The following PHF8 variants were observed in gnomAD, a reference collection of about 807,000 sequenced individuals.
PHF8 encodes PHD finger protein 8.
PHF8 carries 9 observed loss-of-function variants against 74.4 expected under a neutral mutation model. The ratio of observed to expected loss-of-function variants is 0.12; its 90% CI spans 0.07 to 0.21. The LOEUF is 0.21. Among genes scored for constraint, PHF8 ranks in the 10% least tolerant of loss-of-function variants. The probability of loss-of-function intolerance (pLI) is 1.00; values close to 1 mark genes in which losing one functional copy is unlikely to be tolerated. For synonymous variants in PHF8, 311 were observed against 316.6 expected (o/e 0.98, Z 0.19); for missense variants, 478 against 816.6 (o/e 0.59, Z 5.05).
rs782500392 is a variant in PHF8 at position 53,939,251 on chromosome X, G to T, written c.2987-5C>A. 3 of 1,203,343 alleles carry T rather than the reference G, an allele frequency of 2.5e-6. No individual in the cohort carries two copies. Among genetic ancestry groups the T allele is most frequent in the African/African-American group, 3.5e-5 (2 of 57,486 alleles). On this transcript the variant is annotated splice_polypyrimidine_tract_variant and splice_region_variant and intron_variant, in intron 21 of 21. Coordinates refer to ENST00000338154, the MANE Select transcript of PHF8 (RefSeq NM_015107.3). ...GGCCCTTTTTGGGACGCTTTCCTGT[G>T]GGGGAAGGGAAAAGTAAGCAAGGGC...
At position 53,985,012 on chromosome X, in the gene PHF8, C is replaced by T. The variant is rs782358977; in HGVS notation, c.2345G>A (p.Arg782Gln). Reference sequence around the variant, plus strand: ...GCTCTCGGTTCTCCAGTATGCTGGCCGCTTGATGGGCCGCTTCCCTGGGGT... The same window carrying T: ...GCTCTCGGTTCTCCAGTATGCTGGCTGCTTGATGGGCCGCTTCCCTGGGGT... ...QRTPGKRPIK[R>Q]PAYWRTESEE... Residue 782 changes from arginine (R) to glutamine (Q), a missense_variant, in exon 18 of 22, where the codon CGG (arginine) becomes CAG (glutamine). Arg to Gln is a conservative substitution (Grantham distance 43, BLOSUM62 1). Coordinates refer to ENST00000338154, the MANE Select transcript of PHF8 (RefSeq NM_015107.3). The T allele has an allele frequency of 1.7e-6, 2 of 1,211,035 alleles. No individual in the cohort carries two copies. The highest frequency in any genetic ancestry group is 1.8e-5 in the South Asian group (1 of 56,970).
intron 18 of PHF8, among the ~76,000 whole-genome samples, chrX:53,981,192 C>T (rs1278083080): frequency 2.7e-5 from 3 of 112,214 alleles, no homozygotes; most frequent in Non-Finnish European, 3.8e-5. Context: ...CCACCCTGGG[C>T]GACAAAGTGA....
intron 19 of PHF8, among the ~76,000 whole-genome samples, chrX:53,955,635 T>A (rs782326950): frequency 9.7e-6 from 1 of 103,126 alleles, no homozygotes; most frequent in African/African-American, 3.5e-5. Flanking sequence ...TACTAAATAA[T>A]AGCAGTGTTA....
intron 7 of PHF8, 140 bp from the exon 8 acceptor site, chrX:54,011,424 A>G: frequency 2.0e-6 from 1 of 511,388 alleles, no homozygotes; most frequent in East Asian, 3.6e-5. Context: ...CCATCCAATT[A>G]TCATTTCTTT....
intron 17 of PHF8, 35 bp from the exon 18 acceptor site, chrX:53,985,262 G>GA (rs2065543937): frequency 9.3e-7 from 1 of 1,071,801 alleles, no homozygotes; most frequent in African/African-American, 1.8e-5. Flanking sequence ...TGAGAGAGTT[G>GA]TTTTTAGCTG....
At chrX:53,960,400 C>T (rs1264142970) in intron 19 of PHF8, among the ~76,000 whole-genome samples, 1 of 109,209 alleles carries the variant, frequency 9.2e-6, no homozygotes, top group African/African-American at 3.3e-5. Context: ...TTTTGATATG[C>T]TACACCCACT....
intron 12 of PHF8, 132 bp from the exon 13 acceptor site, chrX:53,994,035 C>G: frequency 1.2e-5 from 6 of 480,037 alleles, no homozygotes; most frequent in Non-Finnish European, 2.2e-5. Context: ...CATATGCACA[C>G]CCTAGCTTTT....
At chrX:54,005,428 T>A (rs1365088137) in intron 8 of PHF8, among the ~76,000 whole-genome samples, 3 of 86,133 alleles carry the variant, frequency 3.5e-5, no homozygotes, top group African/African-American at 9.2e-5. Flanking sequence ...AGAGTGACAC[T>A]CCCTCTCAAA....
At chrX:54,016,507 A>G (rs1278124615) in intron 6 of PHF8, 88 bp downstream of exon 6, 94 of 821,381 alleles carry the variant, frequency 1.1e-4, no homozygotes, top group East Asian at 6.1e-4. Context: ...AAAAAAAAAA[A>G]AGAGAGAGAA....
chrX:53,985,021 G>A lies in PHF8; in HGVS notation c.2336C>T (p.Pro779Leu), dbSNP rs1557099079. The change falls in exon 18 of 22, where the codon CCC becomes CTC. Residue 779 changes from proline (P) to leucine (L), a missense_variant. Transcript: ENST00000338154. ...PASQRTPGKR[P>L]IKRPAYWRTE... is the part of the protein sequence containing the mutation. ...TCTCCAGTATGCTGGCCGCTTGATG[G>A]GCCGCTTCCCTGGGGTGCGCTGGGA... 1.7e-6 allele frequency: 2 copies of A among 1,210,867 alleles called. No individual in the cohort carries two copies. Among genetic ancestry groups the A allele is most frequent in the South Asian group, 3.5e-5 (2 of 56,956 alleles).
intron 2 of PHF8, among the ~76,000 whole-genome samples, chrX:54,024,660 G>A (rs2066236323): frequency 9.0e-6 from 1 of 111,643 alleles, no homozygotes; most frequent in African/African-American, 3.3e-5. Context: ...TCTCTACACC[G>A]GTGCCACTCA....
At chrX:54,018,473 T>A (rs868926542) in intron 4 of PHF8, among the ~76,000 whole-genome samples, 1,439 of 102,035 alleles carry the variant, frequency 0.014, 26 homozygotes, top group African/African-American at 0.05. Context: ...TTTTTTTTTT[T>A]AAAGAAAAGA....
intron 2 of PHF8, among the ~76,000 whole-genome samples, chrX:54,030,496 T>G (rs1304288498): frequency 1.8e-5 from 2 of 111,884 alleles, no homozygotes; most frequent in Non-Finnish European, 3.8e-5. Context: ...GTGCATAAAT[T>G]CAACAAATAT....
At chrX:54,001,600 G>A (rs1287984499) in intron 10 of PHF8, among the ~76,000 whole-genome samples, 2 of 111,739 alleles carry the variant, frequency 1.8e-5, no homozygotes, top group Admixed American at 9.5e-5. Flanking sequence ...GAGGAGAGTG[G>A]GTGAAACTAT....
chrX:53,970,733 T>C (rs946396365), intron 18 of PHF8, among the ~76,000 whole-genome samples: 35 of 110,509 alleles, frequency 3.2e-4, no homozygotes, highest in African/African-American at 1.1e-3. Context: ...TCAACAAAGA[T>C]CAAAAATGAC....
At chrX:54,029,519 C>T (rs782709957) in intron 2 of PHF8, among the ~76,000 whole-genome samples, 3 of 112,313 alleles carry the variant, frequency 2.7e-5, no homozygotes, top group African/African-American at 9.7e-5. Flanking sequence ...AATAGAAAAG[C>T]TTTTTCCTTT....
intron 2 of PHF8, among the ~76,000 whole-genome samples, chrX:54,030,445 A>G (rs1373663633): frequency 8.9e-6 from 1 of 111,967 alleles, no homozygotes; most frequent in Non-Finnish European, 1.9e-5. Flanking sequence ...GGTATACTGC[A>G]AAGCCAAGCA....
At chrX:54,019,787 C>CAAAAAAAA (rs781792263) in intron 4 of PHF8, among the ~76,000 whole-genome samples, 13 of 27,381 alleles carry the variant, frequency 4.7e-4, no homozygotes, top group East Asian at 1.2e-3. Context: ...GACACCGCCT[C>CAAAAAAAA]AAAAAAAAAA....
intron 13 of PHF8, 143 bp downstream of exon 13, chrX:53,993,458 C>T (rs1603321196): frequency 6.1e-6 from 3 of 495,457 alleles, no homozygotes; most frequent in Non-Finnish European, 3.5e-6. Flanking sequence ...TCAATAAATG[C>T]CTATTAAATG....
Sources: allele counts gnomAD v4.1 joint callset (sites outside exome capture counted in the v4.1 genomes callset), GRCh38; gene constraint gnomAD v4.1.1; transcripts MANE v1.5; gene names NCBI Gene and HGNC (gene_info 2026-07-23, HGNC 2026-07-21).